EEF2: variants seen among roughly 807,000 people sequenced by gnomAD.
EEF2 encodes the protein elongation factor 2.
A neutral mutation model predicts 85.3 loss-of-function variants in EEF2; 21 were observed. The ratio of observed to expected loss-of-function variants is 0.25; its 90% CI spans 0.17 to 0.35. The LOEUF (loss-of-function observed/expected upper bound fraction) is 0.35. EEF2 is among the 10% of genes least tolerant of loss of function. The pLI is 1.00. For synonymous variants in EEF2, 723 were observed against 508.8 expected, an observed-to-expected ratio of 1.42 and a Z score of -5.67; for missense variants, 825 against 1,225.3, an observed-to-expected ratio of 0.67 and a Z score of 4.88.
intron 9 of EEF2, 108 bp downstream of exon 9, chr19:3,980,406 T>G: frequency 1.5e-6 from 2 of 1,354,076 alleles, no homozygotes; most frequent in Non-Finnish European, 2.0e-6. Flanking sequence ...TCACCCTATA[T>G]TCCTTCTATG....
intron 1 of EEF2, chr19:3,984,836 G>A (rs932086415): frequency 2.2e-5 from 4 of 178,278 alleles, no homozygotes; most frequent in East Asian, 1.6e-4. Flanking sequence ...ACTGCCACAA[G>A]CCTACACCTC....
chr19:3,979,787 G>T (rs1242296286), intron 10 of EEF2, 21 bp downstream of exon 10: 18 of 1,605,090 alleles, frequency 1.1e-5, no homozygotes, highest in Non-Finnish European at 1.5e-5. Flanking sequence ...TCTGCTCCCA[G>T]CAGGTGCACT....
At position 3,979,555 on chromosome 19, in the gene EEF2, G is replaced by A. The variant is rs114555977; in HGVS notation, c.1606-119C>T. ...AACAAGATTTCAGGGAAGGTGCTGG[G>A]AAACTGGGACCAGCACAAACTCCTG... On this transcript the variant is annotated intron_variant, in intron 10 of 14. Transcript: ENST00000309311. The A allele has an allele frequency of 8.2e-4, 825 of 1,001,794 alleles. 4 individuals carry two copies. In the African/African-American group the frequency reaches 0.012, roughly 14 times the overall value. The allele number at this position is 1,001,794 out of a possible 1,614,324, so 62.1% of individuals were successfully genotyped here. A position where few individuals can be genotyped will look rare whatever the true frequency, so the allele number is the denominator to read the frequency against.
intron 14 of EEF2, 65 bp from the exon 15 acceptor site, chr19:3,976,812 G>T: frequency 6.9e-7 from 1 of 1,445,204 alleles, no homozygotes; most frequent in African/African-American, 1.4e-5. Flanking sequence ...GGAAAGTCCT[G>T]TCAGGAGCTC....
Position 3,977,462 on chromosome 19 carries a change from C to A in EEF2, c.2216G>T (p.Arg739Leu). 1 of 1,580,262 alleles carries A rather than the reference C, an allele frequency of 6.3e-7. No individual in the cohort carries two copies. Among genetic ancestry groups the A allele is most frequent in the South Asian group, 1.1e-5 (1 of 87,308 alleles). Residue 739 changes from arginine (R) to leucine (L), a missense_variant, in exon 13 of 15, where the codon CGC (arginine) becomes CTC (leucine). By Grantham distance (102) the Arg-to-Leu change is moderately radical (BLOSUM62 -2). Transcript: ENST00000309311. This position sits in a 1 kb window ranked among gnomAD's most constrained non-coding sequence, Gnocchi z 5.4. ...LYASVLTAQPRLMEPIYLVEI... is the reference protein window; with the variant it reads ...LYASVLTAQPLLMEPIYLVEI... ...CACAAGGTAGATGGGCTCCATGAGG[C>A]GTGGCTGGGCGGTCAGCACACTGGC...
chr19:3,984,563 G>A (rs1252988291), intron 1 of EEF2, among the ~76,000 whole-genome samples: 2 of 152,172 alleles, frequency 1.3e-5, no homozygotes, highest in African/African-American at 2.4e-5. Context: ...ATTCATGATT[G>A]ACAACCCAGA....
At chr19:3,978,827 A>T (rs149248959) in intron 11 of EEF2, among the ~76,000 whole-genome samples, 9,935 of 136,774 alleles carry the variant, frequency 0.073, 726 homozygotes, top group South Asian at 0.17. Context: ...AAAAAAAAAA[A>T]AAAATAGCCC....
rs757364682 is a variant in EEF2, at chr19:3,983,037, G to A, written c.401-19C>T. 3.7e-6 allele frequency: 6 copies of A among 1,611,962 alleles called. No individual in the cohort carries two copies. The highest frequency in any genetic ancestry group is 5.1e-6 in the Non-Finnish European group (6 of 1,179,012). ...CACACGCCTGGGGACACGGGGGACAGGGCGGCGCTGTCATCCTCAAGCAAG... is the reference window on the plus strand; with the variant it reads ...CACACGCCTGGGGACACGGGGGACAAGGCGGCGCTGTCATCCTCAAGCAAG... On this transcript the variant is annotated intron_variant, in intron 3 of 14. Coordinates refer to ENST00000309311, the MANE Select transcript of EEF2 (RefSeq NM_001961.4).
rs769961847 is a variant in EEF2 at position 3,982,055 on chromosome 19, G to C, written c.792-3C>G. 20 of 1,614,052 alleles carry C rather than the reference G, an allele frequency of 1.2e-5. No homozygotes were observed. The highest frequency in any genetic ancestry group is 1.6e-5 in the Non-Finnish European group (19 of 1,179,926). ...TGCCGTTGGCTGGGTCAAAGTACCT[G>C]GCAAGGAGAGGCCAAGCCAAATCAA... On this transcript the variant is annotated splice_polypyrimidine_tract_variant and splice_region_variant and intron_variant, in intron 5 of 14. Transcript: ENST00000309311.
At position 3,977,420 on chromosome 19, in the gene EEF2, G is replaced by A. The variant is rs777130257; in HGVS notation, c.2250+8C>T. ...TGGCAGGGTCAGCGGTGGGCGGGTA[G>A]ACCTCACCTGGATCTCCACAAGGTA... On this transcript the variant is annotated splice_region_variant and intron_variant, in intron 13 of 14. Coordinates refer to ENST00000309311, the MANE Select transcript of EEF2 (RefSeq NM_001961.4). This position sits in a 1 kb window ranked among gnomAD's most constrained non-coding sequence, Gnocchi z 5.4. 2 of 1,584,050 alleles carry A rather than the reference G, an allele frequency of 1.3e-6. No individual in the cohort carries two copies. Among genetic ancestry groups the A allele is most frequent in the Non-Finnish European group, 1.7e-6 (2 of 1,164,820 alleles).
chr19:3,976,976 G>A (rs1374846829), intron 14 of EEF2, among the ~76,000 whole-genome samples: 2 of 152,228 alleles, frequency 1.3e-5, no homozygotes, highest in Admixed American at 6.5e-5. Flanking sequence ...ACCGGCCCAG[G>A]GCGTAGGCCT....
rs757876918 is a variant in EEF2 at position 3,976,574 on chromosome 19, T to C, written c.2557A>G (p.Asn853Asp). The C allele has an allele frequency of 1.2e-6, 2 of 1,608,926 alleles. No homozygotes were observed. The highest frequency in any genetic ancestry group is 8.5e-7 in the Non-Finnish European group (1 of 1,177,914). The change falls in exon 15 of 15, where the codon AAC (asparagine) becomes GAC (aspartate). Residue 853 changes from asparagine to aspartate, a missense_variant. Physicochemically the swap from Asn to Asp is conservative, Grantham distance 23. Transcript: ENST00000309311. ...GCCGCCTACAATTTGTCCAGGAAGT[T>C]GTCCAGGGCAGGGATGCCTTCTTTC... ...GLKEGIPALD[N>D]FLDKL is the part of the protein sequence containing the mutation.
At position 3,976,299 on chromosome 19, in the gene EEF2, G is replaced by GCCTCCC. The variant is rs2039679100; in HGVS notation, c.*249_*254dup. Reference sequence around the variant, plus strand: ...GAAAAAGTGTTGGGTGTCCCATCCCGCCTCCCCCTCCCCGACCGGCCCATT... The same window carrying GCCTCCC: ...GAAAAAGTGTTGGGTGTCCCATCCCGCCTCCCCCTCCCCCTCCCCGACCGGCCCATT... On this transcript the variant is annotated 3_prime_UTR_variant, in exon 15 of 15. Coordinates refer to ENST00000309311, the MANE Select transcript of EEF2 (RefSeq NM_001961.4). 1 of 219,904 alleles carries GCCTCCC rather than the reference G, an allele frequency of 4.5e-6. No homozygotes were observed. Among genetic ancestry groups the GCCTCCC allele is most frequent in the South Asian group, 4.5e-5 (1 of 22,088 alleles). 13.6% of individuals were successfully genotyped at this position (219,904 alleles called of 1,614,324 possible). A position where few individuals can be genotyped will look rare whatever the true frequency, so the allele number is the denominator to read the frequency against.
chr19:3,982,226 C>T lies in EEF2; in HGVS notation c.791+20G>A. On this transcript the variant is annotated intron_variant, in intron 5 of 14. Coordinates refer to ENST00000309311, the MANE Select transcript of EEF2 (RefSeq NM_001961.4). ...ACCCCCAGGTGTCAGGAATCCCCCACCATATCCCGCGGGGCTCACCTGTCA... is the reference window on the plus strand; with the variant it reads ...ACCCCCAGGTGTCAGGAATCCCCCATCATATCCCGCGGGGCTCACCTGTCA... 1.9e-6 allele frequency: 3 copies of T among 1,612,990 alleles called. No individual in the cohort carries two copies. The highest frequency in any genetic ancestry group is 2.5e-6 in the Non-Finnish European group (3 of 1,179,144).
intron 1 of EEF2, chr19:3,984,956 T>G: frequency 4.9e-6 from 1 of 205,304 alleles, no homozygotes; most frequent in Non-Finnish European, 9.4e-6. Flanking sequence ...AGGGGAGCCT[T>G]TCAGGTGTCG....
In EEF2 at chr19:3,976,528, G is replaced by A; in HGVS notation, c.*26C>T. ...GCTGTGGGTGCTGCGAGTCCCCGGG[G>A]CGGCAGGCGCTGCAGGAAGGGCCGC... On this transcript the variant is annotated 3_prime_UTR_variant, in exon 15 of 15. Transcript: ENST00000309311. 1 of 1,583,292 alleles carries A rather than the reference G, an allele frequency of 6.3e-7. No homozygotes were observed. The highest frequency in any genetic ancestry group is 1.8e-5 in the Admixed American group (1 of 55,722).
chr19:3,978,560 C>T (rs2039705013), intron 11 of EEF2, among the ~76,000 whole-genome samples: 1 of 151,988 alleles, frequency 6.6e-6, no homozygotes, highest in South Asian at 2.1e-4. Flanking sequence ...AATCCCAGCA[C>T]TTTGGGAGGC....
At chr19:3,980,479 G>A (rs770574170) in intron 9 of EEF2, 35 bp downstream of exon 9, 1 of 1,592,622 alleles carries the variant, frequency 6.3e-7, no homozygotes, top group Non-Finnish European at 8.6e-7. Context: ...GCCCGCAACA[G>A]TGCCAAGGGG....
At position 3,985,367 on chromosome 19, in the gene EEF2, G is replaced by A. The variant is rs199633826; in HGVS notation, c.3+11C>T. The A allele has an allele frequency of 3.7e-4, 563 of 1,503,556 alleles. 1 individual carries two copies. The highest frequency in any genetic ancestry group is 1.3e-3 in the Admixed American group (62 of 46,676). The allele number at this position is 1,503,556 out of a possible 1,614,324, so 93.1% of individuals were successfully genotyped here. A position where few individuals can be genotyped will look rare whatever the true frequency, so the allele number is the denominator to read the frequency against. ...GCCGCTCCGGGGCACCAGCGAGGCA[G>A]GGTTACTCACCATGGTGGCGGATGG... On this transcript the variant is annotated intron_variant, in intron 1 of 14. Transcript: ENST00000309311.
Sources: gnomAD v4.1 joint callset for allele counts (sites outside exome capture counted in the v4.1 genomes callset) on GRCh38, gnomAD v4.1.1 for gene constraint, Gnocchi (gnomAD v3.1) non-coding constraint, MANE v1.5 for transcripts, NCBI Gene and HGNC (gene_info 2026-07-23, HGNC 2026-07-21) for gene names.